PGM2L1: variants seen among roughly 807,000 people sequenced by gnomAD.
The protein encoded by PGM2L1 is phosphoglucomutase 2 like 1.
A neutral mutation model predicts 73.4 loss-of-function variants in PGM2L1; 35 were observed. That is an observed-to-expected ratio of 0.48 (90% confidence interval 0.36 to 0.63). The LOEUF (loss-of-function observed/expected upper bound fraction) is 0.63. Ranked by LOEUF, PGM2L1 falls within the 30% of genes least tolerant of loss-of-function variation. The pLI, the probability that PGM2L1 is intolerant of heterozygous loss-of-function variation, is 0.00. For synonymous variants in PGM2L1, 225 were observed against 253.8 expected (o/e 0.89, Z 1.08); for missense variants, 570 against 742.0 (o/e 0.77, Z 2.69).
rs528952192 is a variant in PGM2L1, at chr11:74,363,521, A to G, written c.555+4971T>C. Among the ~76,000 whole-genome samples the G allele has an allele frequency of 8.5e-5, 13 of 152,336 alleles. No individual in the cohort carries two copies. The South Asian group carries it at 2.7e-3, about 32-fold the overall frequency. ...AGAGAAGAATCAAATGGACACAATA[A>G]AAAATGATAAAGGGGATATCACCAC... On this transcript the variant is annotated intron_variant, in intron 5 of 13. Transcript: ENST00000298198.
chr11:74,355,553 CAAA>C (rs547652950), intron 5 of PGM2L1: 5,325 of 112,444 alleles, frequency 0.047, 95 homozygotes, highest in African/African-American at 0.15. Context: ...GACTCCGTCT[CAAA>C]AAAAAAAAAA....
chr11:74,359,969 G>A (rs767923920), intron 5 of PGM2L1, among the ~76,000 whole-genome samples: 2 of 152,122 alleles, frequency 1.3e-5, no homozygotes, highest in Non-Finnish European at 2.9e-5. Flanking sequence ...CTCTACCTAC[G>A]AACTTACATT....
intron 2 of PGM2L1, among the ~76,000 whole-genome samples, chr11:74,372,154 A>G (rs1251722934): frequency 6.6e-6 from 1 of 151,948 alleles, no homozygotes; most frequent in Non-Finnish European, 1.5e-5. Flanking sequence ...AGATTAGAAG[A>G]GCCAACATAA....
At chr11:74,346,879 A>G in intron 7 of PGM2L1, 50 bp from the exon 8 acceptor site, 2 of 1,383,414 alleles carry the variant, frequency 1.4e-6, no homozygotes, top group Non-Finnish European at 2.1e-6. Context: ...CCTAAGTTCA[A>G]TGTTAACGTT....
At chr11:74,348,638 G>A (rs1012467151) in intron 6 of PGM2L1, among the ~76,000 whole-genome samples, 2 of 152,098 alleles carry the variant, frequency 1.3e-5, no homozygotes, top group South Asian at 2.1e-4. Context: ...GGACCTGAAC[G>A]AGGTTCCATA....
chr11:74,356,922 C>T (rs1366513602), intron 5 of PGM2L1, among the ~76,000 whole-genome samples: 2 of 152,068 alleles, frequency 1.3e-5, no homozygotes, highest in African/African-American at 2.4e-5. Flanking sequence ...CAACCTCCGC[C>T]TCCCAGGTTC....
At chr11:74,394,812 G>C (rs1406602543) in intron 1 of PGM2L1, among the ~76,000 whole-genome samples, 2 of 152,026 alleles carry the variant, frequency 1.3e-5, no homozygotes, top group African/African-American at 4.8e-5. Flanking sequence ...AGTAATTTTA[G>C]TGACCAACGC....
intron 9 of PGM2L1, 82 bp from the exon 10 acceptor site, chr11:74,343,498 C>T (rs1163507967): frequency 1.9e-6 from 3 of 1,544,848 alleles, no homozygotes; most frequent in African/African-American, 1.4e-5. Flanking sequence ...TACATGCACA[C>T]AACGTTCATA....
intron 1 of PGM2L1, among the ~76,000 whole-genome samples, chr11:74,386,477 A>C (rs1017087942): frequency 5.9e-5 from 9 of 151,770 alleles, no homozygotes; most frequent in Non-Finnish European, 1.2e-4. Flanking sequence ...TCAAAAAAAA[A>C]AACTTTTTTT....
chr11:74,358,338 T>C (rs1027444741), intron 5 of PGM2L1, among the ~76,000 whole-genome samples: 3 of 152,168 alleles, frequency 2.0e-5, no homozygotes, highest in African/African-American at 7.2e-5. Context: ...TTAAAAAAAA[T>C]CCTTTAACAG....
At chr11:74,355,652 A>G in intron 5 of PGM2L1, 1 of 500,738 alleles carries the variant, frequency 2.0e-6, no homozygotes, top group South Asian at 1.5e-5. Flanking sequence ...CCAATACTTT[A>G]CTAATTATGA....
intron 2 of PGM2L1, among the ~76,000 whole-genome samples, chr11:74,372,670 A>G (rs1862786970): frequency 6.6e-6 from 1 of 152,228 alleles, no homozygotes; most frequent in South Asian, 2.1e-4. Context: ...GGAGACAATA[A>G]GATTAAAGCT....
At chr11:74,353,425 G>A (rs1261955459) in intron 5 of PGM2L1, among the ~76,000 whole-genome samples, 1 of 151,748 alleles carries the variant, frequency 6.6e-6, no homozygotes, top group Non-Finnish European at 1.5e-5. Flanking sequence ...TGGAGGGAAG[G>A]TCAGCAGATA....
At chr11:74,396,710 G>A (rs78790545) in intron 1 of PGM2L1, among the ~76,000 whole-genome samples, 2,806 of 152,286 alleles carry the variant, frequency 0.018, 82 homozygotes, top group African/African-American at 0.065. Context: ...CACGGCGCCC[G>A]GCCGGAAATT....
At position 74,335,657 on chromosome 11, in the gene PGM2L1, T is replaced by C. The variant is rs1862085036; in HGVS notation, c.*995A>G. ...TACTTACAAAAATGTAATTCAAAAGTTAGACTGTCAAATAAATTCAGAGCT... is the reference window on the plus strand; with the variant it reads ...TACTTACAAAAATGTAATTCAAAAGCTAGACTGTCAAATAAATTCAGAGCT... On this transcript the variant is annotated 3_prime_UTR_variant, in exon 14 of 14. Coordinates refer to ENST00000298198, the MANE Select transcript of PGM2L1 (RefSeq NM_173582.6). The C allele has an allele frequency of 6.6e-6, 1 of 152,296 alleles. No homozygotes were observed. The highest frequency in any genetic ancestry group is 2.4e-5 in the African/African-American group (1 of 41,452). 9.4% of individuals were successfully genotyped at this position (152,296 alleles called of 1,614,324 possible).
At chr11:74,352,231 A>G (rs956831219) in intron 5 of PGM2L1, among the ~76,000 whole-genome samples, 1 of 152,064 alleles carries the variant, frequency 6.6e-6, no homozygotes, top group African/African-American at 2.4e-5. Flanking sequence ...TCTTAAACCT[A>G]TAACTATCTA....
chr11:74,347,245 C>G lies in PGM2L1; in HGVS notation c.842G>C (p.Gly281Ala). The G allele has an allele frequency of 6.2e-7, 1 of 1,613,338 alleles. No homozygotes were observed. The highest frequency in any genetic ancestry group is 1.1e-5 in the South Asian group (1 of 90,908). The part of the protein sequence containing the change: ...DYVQLAFKVF[G>A]FKPPIPVPEQ... ...TGGTACTGGAATTGGAGGCTTAAAA[C>G]CAAACACTTTAAAAGCCAACTGCAC... Residue 281 changes from glycine (G) to alanine (A), a missense_variant, in exon 7 of 14, where the codon GGT (glycine) becomes GCT (alanine). By Grantham distance (60) the Gly-to-Ala change is moderately conservative. Coordinates refer to ENST00000298198, the MANE Select transcript of PGM2L1 (RefSeq NM_173582.6).
intron 7 of PGM2L1, 69 bp downstream of exon 7, chr11:74,347,079 T>C (rs1453992549): frequency 4.0e-6 from 5 of 1,244,334 alleles, no homozygotes; most frequent in Non-Finnish European, 5.4e-6. Context: ...AATCTTTGAA[T>C]TGTCAATGAG....
Position 74,343,309 on chromosome 11 carries a change from T to C in PGM2L1, c.1312+14A>G. Reference sequence around the variant, plus strand: ...ATCAATCAAATTTTGAAGATTTTAATATTTACTACATACCAATAGACTCTT... The same window carrying C: ...ATCAATCAAATTTTGAAGATTTTAACATTTACTACATACCAATAGACTCTT... On this transcript the variant is annotated intron_variant, in intron 10 of 13. Transcript: ENST00000298198. The C allele has an allele frequency of 6.4e-7, 1 of 1,557,054 alleles. No individual in the cohort carries two copies. Among genetic ancestry groups the C allele is most frequent in the Non-Finnish European group, 8.6e-7 (1 of 1,162,938 alleles).
Sources: allele counts gnomAD v4.1 joint callset (sites outside exome capture counted in the v4.1 genomes callset), GRCh38; gene constraint gnomAD v4.1.1; transcripts MANE v1.5; gene names NCBI Gene and HGNC (gene_info 2026-07-23, HGNC 2026-07-21).